SNAPC1: variants seen among roughly 807,000 people sequenced by gnomAD.
SNAPC1 encodes snRNA-activating protein complex subunit 1.
In SNAPC1, 42 loss-of-function variants were observed where a neutral mutation model predicts 50.1. The ratio of observed to expected loss-of-function variants is 0.84; its 90% CI spans 0.65 to 1.08. The LOEUF (loss-of-function observed/expected upper bound fraction) is 1.08. Among genes scored for constraint, SNAPC1 ranks in the 50% least tolerant of loss-of-function variants. SNAPC1 has a pLI of 0.00. For synonymous variants in SNAPC1, 164 were observed against 144.2 expected, an observed-to-expected ratio of 1.14 and a Z score of -0.98; for missense variants, 477 against 427.3, an observed-to-expected ratio of 1.12 and a Z score of -1.02.
chr14:61,792,277 C>T (rs2045157595), intron 8 of SNAPC1, among the ~76,000 whole-genome samples: 1 of 152,116 alleles, frequency 6.6e-6, no homozygotes, highest in South Asian at 2.1e-4. Context: ...GGTTGGGATA[C>T]TTCTTCAGGT....
At chr14:61,788,648 T>A (rs1311580046) in intron 8 of SNAPC1, among the ~76,000 whole-genome samples, 1 of 152,148 alleles carries the variant, frequency 6.6e-6, no homozygotes, top group Non-Finnish European at 1.5e-5. Context: ...TATTATTTGA[T>A]AAAGATTAAA....
In SNAPC1 at chr14:61,765,173, T is replaced by G. The variant is rs2044937825; in HGVS notation, c.129-1703T>G. ...CAAAGTGGTAAGAAGACTGTTACAT[T>G]GACTTTTTTAAGGCCTTGTTTTTTA... On this transcript the variant is annotated intron_variant, in intron 1 of 9. Coordinates refer to ENST00000216294, the MANE Select transcript of SNAPC1 (RefSeq NM_003082.4). Among the ~76,000 whole-genome samples the G allele has an allele frequency of 2.0e-5, 3 of 152,206 alleles. No homozygotes were observed. In the South Asian group the frequency reaches 6.2e-4, roughly 32 times the overall value.
chr14:61,789,115 C>T (rs972736507), intron 8 of SNAPC1, among the ~76,000 whole-genome samples: 7 of 151,642 alleles, frequency 4.6e-5, no homozygotes, highest in African/African-American at 9.7e-5. Flanking sequence ...CCTGTAGTCC[C>T]AGCTACTTGG....
chr14:61,782,120 A>C, intron 7 of SNAPC1, 127 bp from the exon 8 acceptor site: 1 of 698,246 alleles, frequency 1.4e-6, no homozygotes, highest in East Asian at 2.9e-5. Flanking sequence ...GGTAATAGTA[A>C]AGTACTTTAT....
intron 5 of SNAPC1, among the ~76,000 whole-genome samples, chr14:61,777,870 T>G (rs1331496771): frequency 1.1e-4 from 16 of 152,190 alleles, no homozygotes; most frequent in Admixed American, 1.0e-3. Flanking sequence ...GTTAGGAGGA[T>G]TTAAGCATTT....
chr14:61,793,191 A>G (rs2045165073), intron 9 of SNAPC1, among the ~76,000 whole-genome samples: 1 of 152,196 alleles, frequency 6.6e-6, no homozygotes, highest in African/African-American at 2.4e-5. Flanking sequence ...ACAGTGTTCC[A>G]GTACTTCTAA....
At chr14:61,786,002 G>A (rs769626901) in intron 8 of SNAPC1, among the ~76,000 whole-genome samples, 1 of 152,080 alleles carries the variant, frequency 6.6e-6, no homozygotes, top group African/African-American at 2.4e-5. Context: ...AAATTCCCAG[G>A]CTTCTCTGGA....
chr14:61,783,991 G>A (rs1240432627), intron 8 of SNAPC1, among the ~76,000 whole-genome samples: 1 of 152,206 alleles, frequency 6.6e-6, no homozygotes, highest in Non-Finnish European at 1.5e-5. Context: ...CTCAACTACT[G>A]CAGGTATATA....
rs541500957 is a variant in SNAPC1 at position 61,769,199 on chromosome 14, A to G, written c.534+459A>G. On this transcript the variant is annotated intron_variant, in intron 4 of 9. Transcript: ENST00000216294. Reference sequence around the variant, plus strand: ...ATGGTGAAATCCCGTCTCTACTAAAAATACAAAAGTTAGCTGGGCATGGTG... The same window carrying G: ...ATGGTGAAATCCCGTCTCTACTAAAGATACAAAAGTTAGCTGGGCATGGTG... Among the ~76,000 whole-genome samples the G allele has an allele frequency of 1.1e-4, 17 of 152,056 alleles. No homozygotes were observed. The East Asian group carries it at 3.3e-3, about 30-fold the overall frequency.
intron 8 of SNAPC1, among the ~76,000 whole-genome samples, chr14:61,782,932 C>T (rs1343783407): frequency 1.3e-5 from 2 of 151,566 alleles, no homozygotes; most frequent in African/African-American, 4.8e-5. Flanking sequence ...GAAATTTAGG[C>T]CTATACAGAT....
At chr14:61,772,065 A>G (rs1293097703) in intron 4 of SNAPC1, among the ~76,000 whole-genome samples, 1 of 152,092 alleles carries the variant, frequency 6.6e-6, no homozygotes, top group African/African-American at 2.4e-5. Flanking sequence ...TTCTAATGAA[A>G]AAAGATGATC....
At chr14:61,792,930 C>A in intron 9 of SNAPC1, 28 bp downstream of exon 9, 4 of 1,145,202 alleles carry the variant, frequency 3.5e-6, no homozygotes, top group South Asian at 2.7e-5. Flanking sequence ...TCAAACTAGT[C>A]AAGTAAACTA....
At chr14:61,773,531 A>T (rs112802300) in intron 4 of SNAPC1, among the ~76,000 whole-genome samples, 8 of 147,694 alleles carry the variant, frequency 5.4e-5, no homozygotes, top group African/African-American at 2.0e-4. Flanking sequence ...AGTAGATGGG[A>T]CCACAGGCGC....
intron 4 of SNAPC1, among the ~76,000 whole-genome samples, chr14:61,771,246 T>C (rs1475997414): frequency 6.6e-6 from 1 of 152,210 alleles, no homozygotes; most frequent in Non-Finnish European, 1.5e-5. Flanking sequence ...AAAATAAGTG[T>C]TTTTAAACAT....
rs1566590364 is a variant in SNAPC1, at chr14:61,778,094, CTAA to C, written c.718_720del (p.Asn240del). ...TAGAATCCATCCTTAAAGTCAAAAA[CTAA>C]TGATGGAGAAGAAAAAATGGAAGGA... On this transcript the variant is annotated inframe_deletion, in exon 6 of 10. Coordinates refer to ENST00000216294, the MANE Select transcript of SNAPC1 (RefSeq NM_003082.4). The C allele has an allele frequency of 2.5e-6, 4 of 1,600,700 alleles. No homozygotes were observed. Among genetic ancestry groups the C allele is most frequent in the Non-Finnish European group, 3.4e-6 (4 of 1,172,214 alleles).
chr14:61,765,050 G>C (rs958374991), intron 1 of SNAPC1, among the ~76,000 whole-genome samples: 3 of 152,112 alleles, frequency 2.0e-5, no homozygotes, highest in African/African-American at 7.2e-5. Flanking sequence ...ATTTATTTTA[G>C]CTAATGTTTT....
At chr14:61,793,435 G>T (rs1430338522) in intron 9 of SNAPC1, among the ~76,000 whole-genome samples, 1 of 151,850 alleles carries the variant, frequency 6.6e-6, no homozygotes, top group Non-Finnish European at 1.5e-5. Context: ...TAGAGACAGG[G>T]TCTCACTGTG....
chr14:61,766,847 T>G lies in SNAPC1; in HGVS notation c.129-29T>G, dbSNP rs148216766. 3.5e-5 allele frequency: 50 copies of G among 1,434,238 alleles called. No individual in the cohort carries two copies. The African/African-American group carries it at 6.6e-4, about 19-fold the overall frequency. 88.8% of individuals were successfully genotyped at this position (1,434,238 alleles called of 1,614,324 possible). ...GTTCATTACTTATTCACTTAATGAG[T>G]CGTAATATATTTTCTCTCTGTTTAT... is the stretch of plus-strand genomic sequence containing the variant. On this transcript the variant is annotated intron_variant, in intron 1 of 9. Transcript: ENST00000216294.
intron 4 of SNAPC1, 129 bp from the exon 5 acceptor site, chr14:61,775,966 A>T: frequency 1.6e-6 from 1 of 608,562 alleles, no homozygotes; most frequent in Admixed American, 3.7e-5. Flanking sequence ...TGTTATTTTT[A>T]ATATACTATA....
Sources: gnomAD v4.1 joint callset for allele counts (sites outside exome capture counted in the v4.1 genomes callset) on GRCh38, gnomAD v4.1.1 for gene constraint, MANE v1.5 for transcripts, NCBI Gene and HGNC (gene_info 2026-07-23, HGNC 2026-07-21) for gene names.